Variants in RTN4RL1 observed in about 807,000 individuals in gnomAD.
The protein encoded by RTN4RL1 is reticulon 4 receptor like 1, also known as reticulon-4 receptor-like 1.
Under a neutral mutation model 25.6 loss-of-function variants are expected in RTN4RL1, and 7 were observed. The observed-to-expected ratio is 0.27, with a 90% CI of 0.16 to 0.51. The LOEUF is 0.51. RTN4RL1 is among the 20% of genes least tolerant of loss of function. The pLI, the probability that RTN4RL1 is intolerant of heterozygous loss-of-function variation, is 0.97. For synonymous variants in RTN4RL1, 297 were observed against 288.2 expected (o/e 1.03, Z -0.31); for missense variants, 500 against 615.6 (o/e 0.81, Z 1.99).
intron 1 of RTN4RL1, among the ~76,000 whole-genome samples, chr17:1,984,967 C>CAA (rs368241273): frequency 2.1e-5 from 3 of 142,540 alleles, no homozygotes; most frequent in Non-Finnish European, 4.6e-5. Context: ...AACTCCATCT[C>CAA]AAAAAAAAAA....
chr17:1,938,385 C>T (rs1220677812), intron 1 of RTN4RL1, among the ~76,000 whole-genome samples: 2 of 152,030 alleles, frequency 1.3e-5, no homozygotes, highest in East Asian at 1.9e-4. Context: ...TCACTGCAAC[C>T]TCCGCCTCCG....
At position 1,935,616 on chromosome 17, in the gene RTN4RL1, A is replaced by G. The variant is rs553710046; in HGVS notation, c.*880T>C. On this transcript the variant is annotated 3_prime_UTR_variant, in exon 2 of 2. Coordinates refer to ENST00000331238, the MANE Select transcript of RTN4RL1 (RefSeq NM_178568.4). Reference sequence around the variant, plus strand: ...GTTTTTGCTAGAAATCACCAATACAATCCTTAGTTCAGCAAATACAGTTTT... The same window carrying G: ...GTTTTTGCTAGAAATCACCAATACAGTCCTTAGTTCAGCAAATACAGTTTT... 1.0e-6 allele frequency: 1 copy of G among 982,548 alleles called. No homozygotes were observed. The highest frequency in any genetic ancestry group is 1.1e-4 in the East Asian group (1 of 8,754). 60.9% of individuals were successfully genotyped at this position (982,548 alleles called of 1,614,324 possible).
At chr17:1,985,542 C>T (rs76442342) in intron 1 of RTN4RL1, among the ~76,000 whole-genome samples, 16,989 of 152,202 alleles carry the variant, frequency 0.11, 1,220 homozygotes, top group Admixed American at 0.15. Context: ...GAACATAAAC[C>T]GGGTTTACAT....
At chr17:2,024,261 G>C (rs948396506) in intron 1 of RTN4RL1, among the ~76,000 whole-genome samples, 5 of 152,224 alleles carry the variant, frequency 3.3e-5, no homozygotes, top group Non-Finnish European at 7.3e-5. Flanking sequence ...CCAGCATAAT[G>C]AAAGTTTGAG....
chr17:1,983,857 T>A (rs1206846669), intron 1 of RTN4RL1, among the ~76,000 whole-genome samples: 1 of 152,100 alleles, frequency 6.6e-6, no homozygotes, highest in Non-Finnish European at 1.5e-5. Flanking sequence ...CCTAACTCCG[T>A]ACTCATGACT....
At chr17:1,979,435 C>T (rs2066857382) in intron 1 of RTN4RL1, among the ~76,000 whole-genome samples, 1 of 152,054 alleles carries the variant, frequency 6.6e-6, no homozygotes, top group Non-Finnish European at 1.5e-5. Flanking sequence ...TATGCGTGCG[C>T]CACTGCACTC....
chr17:1,990,944 T>C (rs1597230189), intron 1 of RTN4RL1, among the ~76,000 whole-genome samples: 1 of 152,006 alleles, frequency 6.6e-6, no homozygotes. Flanking sequence ...TGTGTAGTGC[T>C]CCCCCTGCAT....
rs1467893706 is a variant in RTN4RL1 at position 1,988,417 on chromosome 17, A to AAAAAAG, written c.13+36435_13+36436insCTTTTT. On this transcript the variant is annotated intron_variant, in intron 1 of 1. Transcript: ENST00000331238. Reference sequence around the variant, plus strand: ...AGACTCCGCCTCAAAAAAAAAAAAAAAAAAGAAAAGAAAAGAAGGAGCCAC... The same window carrying AAAAAAG: ...AGACTCCGCCTCAAAAAAAAAAAAAAAAAAAGAAAAGAAAAGAAAAGAAGGAGCCAC... 5.6e-3 allele frequency among the ~76,000 whole-genome samples: 835 copies of AAAAAAG among 148,522 alleles called. 21 individuals carry two copies. Among genetic ancestry groups the AAAAAAG allele is most frequent in the African/African-American group, 0.02 (799 of 39,896 alleles).
intron 1 of RTN4RL1, among the ~76,000 whole-genome samples, chr17:1,949,790 G>A (rs1427926437): frequency 1.3e-5 from 2 of 152,176 alleles, no homozygotes; most frequent in Non-Finnish European, 2.9e-5. Flanking sequence ...GGTAAGTGCT[G>A]GGGACAAAAA....
chr17:2,023,703 C>T (rs1339990717), intron 1 of RTN4RL1: 2 of 150,952 alleles, frequency 1.3e-5, no homozygotes, highest in Non-Finnish European at 3.0e-5. Context: ...CCACCCCCTC[C>T]CCGTGCGCGT....
intron 1 of RTN4RL1, 74 bp downstream of exon 1, chr17:2,024,779 C>T: frequency 6.7e-7 from 1 of 1,485,944 alleles, no homozygotes; most frequent in Non-Finnish European, 9.0e-7. Context: ...AGCCCCGGCG[C>T]CGGGCGGCGC....
chr17:1,944,306 CTT>C (rs1045346102), intron 1 of RTN4RL1, among the ~76,000 whole-genome samples: 20 of 152,186 alleles, frequency 1.3e-4, no homozygotes, highest in Admixed American at 5.2e-4. Context: ...GCGTGGCCCT[CTT>C]GTCTGCGGAC....
At chr17:1,982,037 C>T (rs895735699) in intron 1 of RTN4RL1, among the ~76,000 whole-genome samples, 9 of 152,334 alleles carry the variant, frequency 5.9e-5, no homozygotes, top group East Asian at 3.9e-4. Context: ...CGGTGGCTCA[C>T]GCCTGTAATC....
At chr17:1,940,485 C>T (rs1055056411) in intron 1 of RTN4RL1, among the ~76,000 whole-genome samples, 1 of 152,182 alleles carries the variant, frequency 6.6e-6, no homozygotes, top group Admixed American at 6.5e-5. Flanking sequence ...TCCACCGTCT[C>T]CACTTGGAGG....
chr17:1,948,289 C>T (rs1915600832), intron 1 of RTN4RL1, among the ~76,000 whole-genome samples: 1 of 152,248 alleles, frequency 6.6e-6, no homozygotes. Context: ...CTATTTCCAC[C>T]TCCTGTAGCC....
rs911804844 is a variant in RTN4RL1 at position 1,936,833 on chromosome 17, T to A, written c.989A>T (p.His330Leu). ...GCTCCTGGTGGGGCCGTGGGGTGAG[T>A]GGTGTTCCTTGCGGGCGGCCCTGTC... ...TTDRAARKEH[H>L]SPHGPTRSKG... Residue 330 changes from histidine (H) to leucine (L), a missense_variant, in exon 2 of 2, where the codon CAC becomes CTC. Physicochemically the swap from His to Leu is moderately conservative, Grantham distance 99. Transcript: ENST00000331238. The A allele has an allele frequency of 6.3e-7, 1 of 1,583,916 alleles. No individual in the cohort carries two copies. Among genetic ancestry groups the A allele is most frequent in the Non-Finnish European group, 8.6e-7 (1 of 1,166,240 alleles).
intron 1 of RTN4RL1, among the ~76,000 whole-genome samples, chr17:1,999,600 G>A (rs907319258): frequency 2.0e-4 from 31 of 151,764 alleles, no homozygotes; most frequent in Non-Finnish European, 4.0e-4. Flanking sequence ...CACGTACACA[G>A]AACATCCAGC....
At chr17:1,981,813 G>A (rs1709407024) in intron 1 of RTN4RL1, among the ~76,000 whole-genome samples, 1 of 152,224 alleles carries the variant, frequency 6.6e-6, no homozygotes, top group South Asian at 2.1e-4. Flanking sequence ...ATGACAGGGT[G>A]TGTTCTGAGA....
chr17:1,972,334 T>TA (rs533926151), intron 1 of RTN4RL1, among the ~76,000 whole-genome samples: 902 of 23,044 alleles, frequency 0.039, 10 homozygotes, highest in South Asian at 0.11. Context: ...AAATAAAAAT[T>TA]TAAAAAAAAA....
Sources: allele counts gnomAD v4.1 joint callset (sites outside exome capture counted in the v4.1 genomes callset), GRCh38; gene constraint gnomAD v4.1.1; transcripts MANE v1.5; gene names NCBI Gene and HGNC (gene_info 2026-07-23, HGNC 2026-07-21).